Variants in SLC25A26 observed in about 807,000 individuals in gnomAD.
SLC25A26 encodes solute carrier family 25 member 26.
In SLC25A26, 36 loss-of-function variants were observed where a neutral mutation model predicts 37.8. The ratio of observed to expected loss-of-function variants is 0.95; its 90% CI spans 0.73 to 1.26. The LOEUF is 1.26. Ranked by LOEUF, SLC25A26 falls within the 50% of genes most tolerant of loss-of-function variation. The probability of loss-of-function intolerance (pLI) is 0.00; values close to 1 mark genes in which losing one functional copy is unlikely to be tolerated. For synonymous variants in SLC25A26, 129 were observed against 122.5 expected, an observed-to-expected ratio of 1.05 and a Z score of -0.35; for missense variants, 390 against 331.1, an observed-to-expected ratio of 1.18 and a Z score of -1.38.
chr3:66,211,461 A>C (rs1341923649), intron 1 of SLC25A26, among the ~76,000 whole-genome samples: 2 of 152,144 alleles, frequency 1.3e-5, no homozygotes, highest in African/African-American at 2.4e-5. Flanking sequence ...ATTCTTTTAA[A>C]CTTTTCCGTA....
chr3:66,261,719 A>C (rs913417469), intron 3 of SLC25A26: 14 of 199,654 alleles, frequency 7.0e-5, no homozygotes, highest in Middle Eastern at 1.8e-3. Flanking sequence ...TTGAAATGTC[A>C]TGTGCCAGTT....
At chr3:66,200,272 G>A (rs1278492669) in intron 1 of SLC25A26, among the ~76,000 whole-genome samples, 5 of 152,176 alleles carry the variant, frequency 3.3e-5, no homozygotes, top group African/African-American at 1.2e-4. Flanking sequence ...CAAGGAGACT[G>A]CTGTTGTGCT....
intron 5 of SLC25A26, among the ~76,000 whole-genome samples, chr3:66,343,419 A>G (rs1350250563): frequency 1.3e-5 from 2 of 152,222 alleles, no homozygotes; most frequent in Non-Finnish European, 2.9e-5. Flanking sequence ...TTAGACTGTC[A>G]GTCTTGTTTT....
chr3:66,199,446 C>T (rs1484772068), intron 1 of SLC25A26, among the ~76,000 whole-genome samples: 2 of 152,078 alleles, frequency 1.3e-5, no homozygotes, highest in African/African-American at 4.8e-5. Context: ...CTGACACTGA[C>T]TTTCAGCCTC....
chr3:66,236,767 C>T, intron 2 of SLC25A26, 67 bp downstream of exon 2: 1 of 1,227,092 alleles, frequency 8.1e-7, no homozygotes, highest in Non-Finnish European at 1.1e-6. Flanking sequence ...GGTGTGTGGT[C>T]TTACCCCCAT....
chr3:66,179,810 T>C (rs1179159234), intron 1 of SLC25A26, among the ~76,000 whole-genome samples: 1 of 152,120 alleles, frequency 6.6e-6, no homozygotes, highest in Non-Finnish European at 1.5e-5. Flanking sequence ...TGCAACTTGG[T>C]ATTATTTAGT....
chr3:66,333,588 C>T (rs2076026443), intron 5 of SLC25A26, among the ~76,000 whole-genome samples: 1 of 152,140 alleles, frequency 6.6e-6, no homozygotes, highest in South Asian at 2.1e-4. Flanking sequence ...TTCATCTTGA[C>T]CCCTGTCTTT....
chr3:66,317,745 C>T (rs888297206), intron 5 of SLC25A26, among the ~76,000 whole-genome samples: 3 of 152,174 alleles, frequency 2.0e-5, no homozygotes, highest in Admixed American at 6.5e-5. Flanking sequence ...ATACCACAGC[C>T]GCCCCTCCTC....
intron 6 of SLC25A26, among the ~76,000 whole-genome samples, chr3:66,355,129 A>G (rs2076546835): frequency 1.3e-5 from 2 of 152,178 alleles, no homozygotes; most frequent in Admixed American, 1.3e-4. Flanking sequence ...ATATCACTGT[A>G]TAAACTCTAA....
chr3:66,270,867 G>A lies in SLC25A26; in HGVS notation c.453+7488G>A, dbSNP rs140351557. On this transcript the variant is annotated intron_variant, in intron 5 of 9. Coordinates refer to ENST00000354883, the MANE Select transcript of SLC25A26 (RefSeq NM_001379210.1). ...TTCAGTGCATAGTTTCTCATGTTTC[G>A]TTTACATGAAACCAGCTGCTATTTA... 2.7e-3 allele frequency among the ~76,000 whole-genome samples: 413 copies of A among 152,184 alleles called. 1 individual carries two copies. Among genetic ancestry groups the A allele is most frequent in the Non-Finnish European group, 4.9e-3 (334 of 67,990 alleles).
chr3:66,366,290 TA>T (rs1332406237), intron 7 of SLC25A26, among the ~76,000 whole-genome samples: 1 of 152,188 alleles, frequency 6.6e-6, no homozygotes, highest in Non-Finnish European at 1.5e-5. Flanking sequence ...ACAGTGCCCT[TA>T]AATAAAACGT....
Position 66,378,791 on chromosome 3 carries a change from CTATACTGACATTT to C in SLC25A26, c.*985_*997del, listed in dbSNP as rs1264963651. 1 of 152,570 alleles carries C rather than the reference CTATACTGACATTT, an allele frequency of 6.6e-6. No individual in the cohort carries two copies. Among genetic ancestry groups the C allele is most frequent in the Non-Finnish European group, 1.5e-5 (1 of 68,030 alleles). The allele number at this position is 152,570 out of a possible 1,614,324, so 9.5% of individuals were successfully genotyped here. A position where few individuals can be genotyped will look rare whatever the true frequency, so the allele number is the denominator to read the frequency against. On this transcript the variant is annotated 3_prime_UTR_variant, in exon 10 of 10. Transcript: ENST00000354883. ...GCGTTTGTAAAAGAAGGACCACCAA[CTATACTGACATTT>C]ATAAATGAACCTTTATTAAAGACAC...
At position 66,231,823 on chromosome 3, in the gene SLC25A26, G is replaced by A. The variant is rs528512821; in HGVS notation, c.34-4721G>A. Among the ~76,000 whole-genome samples, 5 of 146,296 alleles carry A rather than the reference G, an allele frequency of 3.4e-5. No individual in the cohort carries two copies. In the South Asian group the frequency reaches 8.6e-4, roughly 25 times the overall value. On this transcript the variant is annotated intron_variant, in intron 1 of 9. Coordinates refer to ENST00000354883, the MANE Select transcript of SLC25A26 (RefSeq NM_001379210.1). The stretch of plus-strand genomic sequence containing the variant: ...GCTCTGTTGCCCAAGCTAGAGTGCA[G>A]GGCAGTGGCGTGATCATAGCTTACT...
chr3:66,188,158 G>A (rs1025404053), intron 1 of SLC25A26, among the ~76,000 whole-genome samples: 1 of 152,006 alleles, frequency 6.6e-6, no homozygotes, highest in Non-Finnish European at 1.5e-5. Flanking sequence ...ACCTCACCAT[G>A]TCCTTGATCC....
chr3:66,272,811 C>T (rs1034765220), intron 5 of SLC25A26, among the ~76,000 whole-genome samples: 1 of 152,116 alleles, frequency 6.6e-6, no homozygotes, highest in Non-Finnish European at 1.5e-5. Context: ...TTGCCCTGGC[C>T]AGAACTTCCA....
chr3:66,363,640 T>C (rs2076762853), intron 7 of SLC25A26, among the ~76,000 whole-genome samples: 1 of 152,240 alleles, frequency 6.6e-6, no homozygotes, highest in Non-Finnish European at 1.5e-5. Context: ...ATTAGAATTA[T>C]AGTTGAAATA....
Position 66,163,830 on chromosome 3 carries a change from A to C in SLC25A26, c.-354+29846A>C, listed in dbSNP as rs184103353. Among the ~76,000 whole-genome samples, 30 of 152,362 alleles carry C rather than the reference A, an allele frequency of 2.0e-4. No homozygotes were observed. The Middle Eastern group carries it at 0.01, about 52-fold the overall frequency. On this transcript the variant is annotated intron_variant, in intron 1 of 10. Transcript: ENST00000676754. ...GAAATTAATATCCTAATAATCATTT[A>C]TTTAGACTAGTGGTTCTCACCTGGG...
At chr3:66,370,406 G>A in intron 8 of SLC25A26, 123 bp from the exon 9 acceptor site, 1 of 819,472 alleles carries the variant, frequency 1.2e-6, no homozygotes, top group Non-Finnish European at 2.0e-6. Context: ...GAAACTCCCT[G>A]GTATCTGACA....
At chr3:66,373,158 GCTTT>G (rs1008496013) in intron 9 of SLC25A26, among the ~76,000 whole-genome samples, 28 of 152,146 alleles carry the variant, frequency 1.8e-4, no homozygotes, top group African/African-American at 4.3e-4. Flanking sequence ...TCATCAGCTG[GCTTT>G]CTGTTTTTGT....
Sources: allele counts gnomAD v4.1 joint callset (sites outside exome capture counted in the v4.1 genomes callset), GRCh38; gene constraint gnomAD v4.1.1; transcripts MANE v1.5; gene names NCBI Gene and HGNC (gene_info 2026-07-23, HGNC 2026-07-21).